CTNND2: variants seen among roughly 807,000 people sequenced by gnomAD.
CTNND2 encodes the protein catenin delta-2.
Under a neutral mutation model 144.4 loss-of-function variants are expected in CTNND2, and 22 were observed. That is an observed-to-expected ratio of 0.15 (90% CI 0.11 to 0.22). The LOEUF is 0.22. Ranked by LOEUF, CTNND2 falls within the 10% of genes least tolerant of loss-of-function variation. The pLI is 1.00. For synonymous variants in CTNND2, 751 were observed against 695.6 expected (o/e 1.08, Z -1.25); for missense variants, 1,353 against 1,618.8 (o/e 0.84, Z 2.82).
rs559462457 is a variant in CTNND2, at chr5:11,093,609, A to G, written c.2637+4966T>C. Among the ~76,000 whole-genome samples, 3 of 152,264 alleles carry G rather than the reference A, an allele frequency of 2.0e-5. No homozygotes were observed. The East Asian group carries it at 5.8e-4, about 29-fold the overall frequency. On this transcript the variant is annotated intron_variant, in intron 15 of 21. Transcript: ENST00000304623. Reference sequence around the variant, plus strand: ...CTATAAAGAGAATTTATTGTTTTAGATGATGAGGTCTATAAAAAGCTGTCT... The same window carrying G: ...CTATAAAGAGAATTTATTGTTTTAGGTGATGAGGTCTATAAAAAGCTGTCT...
intron 1 of CTNND2, among the ~76,000 whole-genome samples, chr5:11,766,630 C>G (rs1789604309): frequency 1.3e-5 from 2 of 152,148 alleles, no homozygotes; most frequent in Admixed American, 1.3e-4. Flanking sequence ...TCAGCTTTGT[C>G]TTTATCAGCA....
chr5:11,364,752 T>C lies in CTNND2; in HGVS notation c.1316A>G (p.Gln439Arg). 6.2e-7 allele frequency: 1 copy of C among 1,613,928 alleles called. No individual in the cohort carries two copies. Among genetic ancestry groups the C allele is most frequent in the Non-Finnish European group, 8.5e-7 (1 of 1,179,948 alleles). The stretch of plus-strand genomic sequence containing the variant: ...TGGCGGCAGAGGGTCCCCCTGGCTC[T>C]GGCTGAGACTCCTCATAGGGGGCTT... ...YQKPPMRSLS[Q>R]SQGDPLPPAH... The change falls in exon 8 of 22, where the codon CAG becomes CGG. Residue 439 changes from glutamine (Q) to arginine (R), a missense_variant. Physicochemically the swap from Gln to Arg is conservative, Grantham distance 43 (BLOSUM62 1). Coordinates refer to ENST00000304623, the MANE Select transcript of CTNND2 (RefSeq NM_001332.4).
At chr5:11,623,437 C>T (rs960077369) in intron 2 of CTNND2, among the ~76,000 whole-genome samples, 9 of 151,704 alleles carry the variant, frequency 5.9e-5, no homozygotes, top group African/African-American at 1.7e-4. Flanking sequence ...TCTTGTTTGC[C>T]GCCGTGTAAG....
intron 3 of CTNND2, among the ~76,000 whole-genome samples, chr5:11,467,669 G>T (rs1176771669): frequency 6.6e-6 from 1 of 152,142 alleles, no homozygotes; most frequent in Non-Finnish European, 1.5e-5. Flanking sequence ...GCTTCTGGGG[G>T]TAACATTTTA....
intron 3 of CTNND2, among the ~76,000 whole-genome samples, chr5:11,438,172 T>A (rs1336990118): frequency 6.6e-6 from 1 of 152,202 alleles, no homozygotes; most frequent in Non-Finnish European, 1.5e-5. Flanking sequence ...AGGATCGTCA[T>A]CTTCAAAGGA....
At position 11,467,246 on chromosome 5, in the gene CTNND2, C is replaced by T. The variant is rs369978955; in HGVS notation, c.288-55177G>A. 1.8e-3 allele frequency among the ~76,000 whole-genome samples: 278 copies of T among 152,326 alleles called. 1 individual carries two copies. The highest frequency in any genetic ancestry group is 6.4e-3 in the African/African-American group (268 of 41,590). On this transcript the variant is annotated intron_variant, in intron 3 of 21. Transcript: ENST00000304623. The stretch of plus-strand genomic sequence containing the variant: ...CTCAGCTCTCCCAGGCTGGCCTGCC[C>T]GACCCCAGGCGTGATGGGCAAGCTC...
In CTNND2 at chr5:11,222,193, G is replaced by A. The variant is rs540795630; in HGVS notation, c.1761+14498C>T. Among the ~76,000 whole-genome samples, 12 of 152,222 alleles carry A rather than the reference G, an allele frequency of 7.9e-5. 1 individual carries two copies. In the South Asian group the frequency reaches 2.5e-3, roughly 32 times the overall value. On this transcript the variant is annotated intron_variant, in intron 10 of 21. Coordinates refer to ENST00000304623, the MANE Select transcript of CTNND2 (RefSeq NM_001332.4). ...AGAGGCGGGGGGAAGATAAAAAGAA[G>A]ACCCATTAAAATAGAAGGGAAGCAT... is the stretch of plus-strand genomic sequence containing the variant.
At chr5:11,393,955 C>T (rs1375782244) in intron 6 of CTNND2, among the ~76,000 whole-genome samples, 1 of 152,088 alleles carries the variant, frequency 6.6e-6, no homozygotes, top group African/African-American at 2.4e-5. Context: ...CTCCTGCAGT[C>T]CACTGTAGCC....
At chr5:11,719,901 C>T (rs371124755) in intron 2 of CTNND2, among the ~76,000 whole-genome samples, 58 of 150,810 alleles carry the variant, frequency 3.8e-4, no homozygotes, top group Admixed American at 6.6e-4. Flanking sequence ...CAACTTTTTT[C>T]GTACCCTAGT....
chr5:11,653,107 G>A (rs1258840936), intron 2 of CTNND2, among the ~76,000 whole-genome samples: 1 of 125,768 alleles, frequency 8.0e-6, no homozygotes, highest in Non-Finnish European at 1.8e-5. Flanking sequence ...GTGTGTGTGT[G>A]TGTGTGTAAC....
At chr5:11,383,821 A>G (rs1758771008) in intron 7 of CTNND2, among the ~76,000 whole-genome samples, 1 of 152,236 alleles carries the variant, frequency 6.6e-6, no homozygotes, top group Non-Finnish European at 1.5e-5. Flanking sequence ...TTCAGAAGAC[A>G]AAACATTAGT....
At chr5:11,433,228 A>G (rs1350802839) in intron 3 of CTNND2, among the ~76,000 whole-genome samples, 1 of 138,918 alleles carries the variant, frequency 7.2e-6, no homozygotes, top group East Asian at 1.9e-4. Flanking sequence ...CCTGGGCAAC[A>G]GAGCAAGACT....
chr5:11,277,665 G>A (rs1238186942), intron 9 of CTNND2, among the ~76,000 whole-genome samples: 1 of 151,884 alleles, frequency 6.6e-6, no homozygotes, highest in Non-Finnish European at 1.5e-5. Flanking sequence ...CCGAGCAGCT[G>A]GAATTACAGA....
At chr5:11,195,049 T>A (rs1736715796) in intron 11 of CTNND2, among the ~76,000 whole-genome samples, 2 of 152,134 alleles carry the variant, frequency 1.3e-5, no homozygotes, top group South Asian at 4.1e-4. Context: ...AAAATCTGAC[T>A]AATTTCAGAA....
At chr5:11,857,749 A>T (rs1033897819) in intron 1 of CTNND2, among the ~76,000 whole-genome samples, 3 of 152,214 alleles carry the variant, frequency 2.0e-5, no homozygotes, top group Non-Finnish European at 4.4e-5. Flanking sequence ...ACGAAAAAAT[A>T]TCTTCTCTAT....
At chr5:11,169,962 C>A (rs532607346) in intron 11 of CTNND2, among the ~76,000 whole-genome samples, 1 of 152,206 alleles carries the variant, frequency 6.6e-6, no homozygotes, top group East Asian at 1.9e-4. Flanking sequence ...AAACACAACA[C>A]AAATTGTAGC....
At chr5:11,180,708 G>A (rs1017235349) in intron 11 of CTNND2, among the ~76,000 whole-genome samples, 2 of 152,154 alleles carry the variant, frequency 1.3e-5, no homozygotes, top group African/African-American at 4.8e-5. Flanking sequence ...TTTGCCCTAG[G>A]GCTTAGCTGA....
chr5:11,661,145 T>C (rs1783182448), intron 2 of CTNND2, among the ~76,000 whole-genome samples: 1 of 152,210 alleles, frequency 6.6e-6, no homozygotes, highest in African/African-American at 2.4e-5. Context: ...AGATGTGTAC[T>C]GTTATAAAGC....
intron 2 of CTNND2, among the ~76,000 whole-genome samples, chr5:11,651,825 C>A (rs570062418): frequency 6.6e-6 from 1 of 152,290 alleles, no homozygotes; most frequent in South Asian, 2.1e-4. Context: ...GGGGTCTTTA[C>A]CCAATGCCTG....
Sources: gnomAD v4.1 joint callset for allele counts (sites outside exome capture counted in the v4.1 genomes callset) on GRCh38, gnomAD v4.1.1 for gene constraint, MANE v1.5 for transcripts, NCBI Gene and HGNC (gene_info 2026-07-23, HGNC 2026-07-21) for gene names.